Variants in RPS6KA2 observed in about 807,000 individuals in gnomAD.
RPS6KA2 encodes ribosomal protein S6 kinase A2, also known as ribosomal protein S6 kinase alpha-2.
A neutral mutation model predicts 91.8 loss-of-function variants in RPS6KA2; 42 were observed. The observed-to-expected ratio is 0.46, with a 90% CI of 0.36 to 0.59. The LOEUF (loss-of-function observed/expected upper bound fraction) is 0.59, where lower values mean the gene tolerates loss of function less well. RPS6KA2 is among the 20% of genes least tolerant of loss of function. RPS6KA2 has a pLI of 0.00. For synonymous variants in RPS6KA2, 414 were observed against 393.6 expected (o/e 1.05, Z -0.61); for missense variants, 798 against 978.5 (o/e 0.82, Z 2.46).
chr6:166,840,598 C>T (rs78533117), intron 2 of RPS6KA2, among the ~76,000 whole-genome samples: 76 of 152,304 alleles, frequency 5.0e-4, no homozygotes, highest in Non-Finnish European at 8.8e-4. Flanking sequence ...CTTACTGTAA[C>T]AAAATGCCAG....
rs562752879 is a variant in RPS6KA2, at chr6:166,852,972, CAG to C, written c.123+5226_123+5227del. ...ATACTTTCTATTCTGCTATGAAAAA[CAG>C]AGTAAAATTTGAGAGGAAAGGGAAA... On this transcript the variant is annotated intron_variant, in intron 2 of 21. Transcript: ENST00000503859. The surrounding 1 kb of genome is among the most constrained non-coding windows in gnomAD (Gnocchi z 4.1). 3.9e-5 allele frequency among the ~76,000 whole-genome samples: 6 copies of C among 152,142 alleles called. No homozygotes were observed. Among genetic ancestry groups the C allele is most frequent in the Non-Finnish European group, 7.3e-5 (5 of 68,032 alleles).
intron 2 of RPS6KA2, among the ~76,000 whole-genome samples, chr6:166,720,289 A>T (rs1380270106): frequency 6.6e-6 from 1 of 152,226 alleles, no homozygotes; most frequent in East Asian, 1.9e-4. Context: ...TTATAAACTC[A>T]TAAGTTGGGA....
At chr6:166,791,275 T>C (rs1225635400) in intron 2 of RPS6KA2, among the ~76,000 whole-genome samples, 2 of 152,154 alleles carry the variant, frequency 1.3e-5, no homozygotes, top group Non-Finnish European at 2.9e-5. Flanking sequence ...TGAAGGCCAT[T>C]ACATAATGGT....
chr6:166,685,846 C>A (rs1167947225), intron 2 of RPS6KA2, among the ~76,000 whole-genome samples: 1 of 152,196 alleles, frequency 6.6e-6, no homozygotes, highest in African/African-American at 2.4e-5. Context: ...GGGTCTGTGC[C>A]TCTATCTCCA....
Position 166,575,332 on chromosome 6 carries a change from G to A in RPS6KA2, c.100-36548C>T, listed in dbSNP as rs147604430. Among the ~76,000 whole-genome samples, 57 of 152,292 alleles carry A rather than the reference G, an allele frequency of 3.7e-4. No homozygotes were observed. The East Asian group carries it at 5.6e-3, about 15-fold the overall frequency. ...TACGGGGGAGCGCTCAGAAGTGTAC[G>A]GAGAACTATTTTCAGCGCTGGCTTT... is the stretch of plus-strand genomic sequence containing the variant. On this transcript the variant is annotated intron_variant, in intron 1 of 20. Transcript: ENST00000265678.
At chr6:166,527,273 G>A (rs1296288948) in intron 3 of RPS6KA2, among the ~76,000 whole-genome samples, 1 of 152,160 alleles carries the variant, frequency 6.6e-6, no homozygotes, top group Non-Finnish European at 1.5e-5. Context: ...GGCCAACTTT[G>A]AAGGGAAAGA....
At chr6:166,479,500 ATGG>A (rs1179742398) in intron 10 of RPS6KA2, among the ~76,000 whole-genome samples, 2 of 152,142 alleles carry the variant, frequency 1.3e-5, no homozygotes, top group African/African-American at 4.8e-5. Context: ...GAGTGGCAGC[ATGG>A]TCCTGCTAAC....
intron 10 of RPS6KA2, among the ~76,000 whole-genome samples, chr6:166,488,440 A>C (rs1006845360): frequency 6.6e-6 from 1 of 152,234 alleles, no homozygotes; most frequent in Admixed American, 6.5e-5. Context: ...GTTAAAGTAG[A>C]TCCTGATTTT....
intron 3 of RPS6KA2, among the ~76,000 whole-genome samples, chr6:166,512,751 C>T (rs1351993299): frequency 6.6e-6 from 1 of 152,228 alleles, no homozygotes; most frequent in East Asian, 1.9e-4. Flanking sequence ...AGATGGCTCC[C>T]CCTCCTGGGG....
At chr6:166,681,006 C>A (rs570437254) in intron 2 of RPS6KA2, among the ~76,000 whole-genome samples, 6 of 152,320 alleles carry the variant, frequency 3.9e-5, no homozygotes, top group Middle Eastern at 6.8e-3. Context: ...TCTTTTTTAA[C>A]AGCAGCCGCT....
chr6:166,821,456 G>C lies in RPS6KA2; in HGVS notation c.123+36744C>G, dbSNP rs370886065. On this transcript the variant is annotated intron_variant, in intron 2 of 21. Transcript: ENST00000503859. The surrounding 1 kb of genome is among the most constrained non-coding windows in gnomAD (Gnocchi z 4.1). ...GCAGAAACACAGGAGGCCTCACTAT[G>C]TCTTCTTCCAGAAATCCCGGCTTCT... 6.6e-6 allele frequency among the ~76,000 whole-genome samples: 1 copy of C among 152,206 alleles called. No individual in the cohort carries two copies. The highest frequency in any genetic ancestry group is 2.4e-5 in the African/African-American group (1 of 41,544).
At chr6:166,689,998 G>C (rs935215577) in intron 2 of RPS6KA2, among the ~76,000 whole-genome samples, 6 of 152,236 alleles carry the variant, frequency 3.9e-5, no homozygotes, top group Non-Finnish European at 7.3e-5. Context: ...CCCTCCCCAA[G>C]GAGGTGGCAG....
chr6:166,486,508 G>A (rs1040273651), intron 10 of RPS6KA2, among the ~76,000 whole-genome samples: 1 of 152,210 alleles, frequency 6.6e-6, no homozygotes, highest in African/African-American at 2.4e-5. Context: ...CCTCTGTCTG[G>A]GTGACAGTTC....
In RPS6KA2 at chr6:166,495,431, G is replaced by A. The variant is rs1475309697; in HGVS notation, c.747+3077C>T. Among the ~76,000 whole-genome samples, 2 of 152,216 alleles carry A rather than the reference G, an allele frequency of 1.3e-5. No individual in the cohort carries two copies. The highest frequency in any genetic ancestry group is 4.8e-5 in the African/African-American group (2 of 41,446). On this transcript the variant is annotated intron_variant, in intron 8 of 20. Transcript: ENST00000265678. This position sits in a 1 kb window ranked among gnomAD's most constrained non-coding sequence, Gnocchi z 4.4. Reference sequence around the variant, plus strand: ...GTGCCCAGGGAGGCACGTGGGAGGAGAGTGCCTGCTGTGTTGACGTGCCGG... The same window carrying A: ...GTGCCCAGGGAGGCACGTGGGAGGAAAGTGCCTGCTGTGTTGACGTGCCGG...
At chr6:166,427,576 T>C (rs1778970114) in intron 16 of RPS6KA2, among the ~76,000 whole-genome samples, 1 of 152,150 alleles carries the variant, frequency 6.6e-6, no homozygotes, top group Non-Finnish European at 1.5e-5. Flanking sequence ...CCAAAATCTC[T>C]TTAAGCTGAT....
chr6:166,704,498 C>T (rs972887239), intron 2 of RPS6KA2, among the ~76,000 whole-genome samples: 3 of 152,212 alleles, frequency 2.0e-5, no homozygotes, highest in Admixed American at 6.5e-5. Flanking sequence ...GATGCACTCA[C>T]GTTTTAAGTC....
intron 17 of RPS6KA2, among the ~76,000 whole-genome samples, chr6:166,422,003 G>T (rs1310064702): frequency 2.0e-5 from 3 of 152,042 alleles, no homozygotes; most frequent in Non-Finnish European, 4.4e-5. Context: ...GGGTTCAAGC[G>T]ATTCTCCTGC....
intron 1 of RPS6KA2, among the ~76,000 whole-genome samples, chr6:166,616,768 G>A (rs1185576234): frequency 6.6e-6 from 1 of 152,150 alleles, no homozygotes; most frequent in Non-Finnish European, 1.5e-5. Context: ...CAGGATTTTT[G>A]CCCTAGAGAC....
rs551873348 is a variant in RPS6KA2 at position 166,781,329 on chromosome 6, A to C, written c.123+76871T>G. Among the ~76,000 whole-genome samples the C allele has an allele frequency of 5.9e-5, 9 of 152,378 alleles. No homozygotes were observed. The South Asian group carries it at 1.7e-3, about 28-fold the overall frequency. On this transcript the variant is annotated intron_variant, in intron 2 of 21. Transcript: ENST00000503859. The stretch of plus-strand genomic sequence containing the variant: ...TTGTTCAAGATGACTTCTTAACGTC[A>C]GTGGCTTCTCCCTGTCACTTGGACG...
Sources: gnomAD v4.1 joint callset for allele counts (sites outside exome capture counted in the v4.1 genomes callset) on GRCh38, gnomAD v4.1.1 for gene constraint, Gnocchi (gnomAD v3.1) non-coding constraint, MANE v1.5 for transcripts, NCBI Gene and HGNC (gene_info 2026-07-23, HGNC 2026-07-21) for gene names.